The following CSNK1G1 variants were observed in gnomAD, a reference collection of about 807,000 sequenced individuals.
The protein encoded by CSNK1G1 is casein kinase I isoform gamma-1.
CSNK1G1 carries 22 observed loss-of-function variants against 59.6 expected under a neutral mutation model. That is an observed-to-expected ratio of 0.37 (90% CI 0.26 to 0.53). The LOEUF (loss-of-function observed/expected upper bound fraction) is 0.53. CSNK1G1 is among the 20% of genes least tolerant of loss of function. CSNK1G1 has a pLI of 0.89. For missense variants in CSNK1G1, 384 were observed against 519.5 expected, an observed-to-expected ratio of 0.74 and a Z score of 2.54; for synonymous variants, 179 against 177.1, an observed-to-expected ratio of 1.01 and a Z score of -0.08.
intron 1 of CSNK1G1, among the ~76,000 whole-genome samples, chr15:64,351,653 C>A (rs751436038): frequency 2.6e-5 from 4 of 152,126 alleles, no homozygotes; most frequent in African/African-American, 7.2e-5. Context: ...CTGAGGCGGG[C>A]CAATCACTTG....
chr15:64,171,834 C>A lies in CSNK1G1; in HGVS notation c.*97G>T. 1 of 1,077,212 alleles carries A rather than the reference C, an allele frequency of 9.3e-7. No homozygotes were observed. The highest frequency in any genetic ancestry group is 1.7e-5 in the Admixed American group (1 of 57,312). 66.7% of individuals were successfully genotyped at this position (1,077,212 alleles called of 1,614,324 possible). ...TCTTTTTGGTTTGGATATCCACCCT[C>A]CCCCAAAGAGGAGTCCCTTCCAATG... On this transcript the variant is annotated 3_prime_UTR_variant, in exon 12 of 12. Coordinates refer to ENST00000303052, the MANE Select transcript of CSNK1G1 (RefSeq NM_022048.5). This position sits in a 1 kb window ranked among gnomAD's most constrained non-coding sequence, Gnocchi z 4.8.
chr15:64,243,368 A>C (rs775495947), intron 4 of CSNK1G1, among the ~76,000 whole-genome samples: 2 of 151,934 alleles, frequency 1.3e-5, no homozygotes, highest in Non-Finnish European at 2.9e-5. Flanking sequence ...AACAAAAAAA[A>C]CCCTCAACAA....
At chr15:64,173,915 A>G (rs1195496614) in intron 11 of CSNK1G1, among the ~76,000 whole-genome samples, 1 of 152,050 alleles carries the variant, frequency 6.6e-6, no homozygotes, top group Non-Finnish European at 1.5e-5. Flanking sequence ...TGCCTGGCCC[A>G]AATAGTGTTT....
At chr15:64,230,559 A>G (rs1180430212) in intron 4 of CSNK1G1, among the ~76,000 whole-genome samples, 1 of 152,066 alleles carries the variant, frequency 6.6e-6, no homozygotes, top group Non-Finnish European at 1.5e-5. Flanking sequence ...CATCCTTCCC[A>G]AACTGCCAGA....
At chr15:64,279,197 T>C (rs1445275840) in intron 2 of CSNK1G1, among the ~76,000 whole-genome samples, 2 of 152,154 alleles carry the variant, frequency 1.3e-5, no homozygotes, top group African/African-American at 4.8e-5. Context: ...TTTTTATATA[T>C]CCATACATAC....
At chr15:64,327,802 G>A (rs1896930815) in intron 1 of CSNK1G1, among the ~76,000 whole-genome samples, 1 of 69,400 alleles carries the variant, frequency 1.4e-5, no homozygotes, top group Non-Finnish European at 2.6e-5. Context: ...TGTATAACTA[G>A]AATAACCAAT....
At chr15:64,299,722 C>A (rs1441805107) in intron 2 of CSNK1G1, among the ~76,000 whole-genome samples, 1 of 151,934 alleles carries the variant, frequency 6.6e-6, no homozygotes, top group Non-Finnish European at 1.5e-5. Context: ...AATAGAAAAT[C>A]CATTGCCTTA....
rs1894016980 is a variant in CSNK1G1, at chr15:64,279,767, T to C, written c.182-20526A>G. Among the ~76,000 whole-genome samples the C allele has an allele frequency of 2.0e-5, 3 of 148,752 alleles. No homozygotes were observed. In the South Asian group the frequency reaches 6.4e-4, roughly 32 times the overall value. On this transcript the variant is annotated intron_variant, in intron 2 of 11. Coordinates refer to ENST00000303052, the MANE Select transcript of CSNK1G1 (RefSeq NM_022048.5). ...GGTGGGCGGATCACAAGGTCAGGAGTTCAAGACAAGCCTGGCCAACATAGT... is the reference window on the plus strand; with the variant it reads ...GGTGGGCGGATCACAAGGTCAGGAGCTCAAGACAAGCCTGGCCAACATAGT...
chr15:64,304,929 C>T (rs1895583314), intron 1 of CSNK1G1, among the ~76,000 whole-genome samples: 1 of 152,174 alleles, frequency 6.6e-6, no homozygotes, highest in African/African-American at 2.4e-5. Context: ...TCTTCATCCA[C>T]CACACATTGC....
chr15:64,294,526 T>C (rs560984479), intron 2 of CSNK1G1, among the ~76,000 whole-genome samples: 1 of 152,300 alleles, frequency 6.6e-6, no homozygotes, highest in South Asian at 2.1e-4. Context: ...AATAAGTGTA[T>C]TTTCTTTTTA....
intron 10 of CSNK1G1, chr15:64,181,631 A>C (rs1295981851): frequency 2.0e-6 from 1 of 495,130 alleles, no homozygotes; most frequent in Non-Finnish European, 3.5e-6. Flanking sequence ...ATCAGCCCTA[A>C]GTTTGAACCC....
At chr15:64,318,536 A>ATTTC (rs556398050) in intron 1 of CSNK1G1, among the ~76,000 whole-genome samples, 137 of 148,938 alleles carry the variant, frequency 9.2e-4, no homozygotes, top group Non-Finnish European at 1.6e-3. Flanking sequence ...ATAAACTTGT[A>ATTTC]TTTCTTTCTT....
intron 1 of CSNK1G1, among the ~76,000 whole-genome samples, chr15:64,305,772 C>CAA (rs55865359): frequency 0.019 from 2,592 of 134,054 alleles, 68 homozygotes; most frequent in African/African-American, 0.052. Flanking sequence ...TGTGATATTG[C>CAA]AAAAAAAAAA....
At chr15:64,319,934 T>A (rs997097158) in intron 1 of CSNK1G1, among the ~76,000 whole-genome samples, 17 of 145,884 alleles carry the variant, frequency 1.2e-4, no homozygotes, top group African/African-American at 3.6e-4. Context: ...TTTTTTTTTT[T>A]TTTTTTTGAG....
chr15:64,345,788 GA>G (rs774866625), intron 1 of CSNK1G1, among the ~76,000 whole-genome samples: 1 of 150,876 alleles, frequency 6.6e-6, no homozygotes, highest in African/African-American at 2.4e-5. Context: ...TTGTAGAATA[GA>G]AAAAAAAACT....
Position 64,188,336 on chromosome 15 carries a change from C to G in CSNK1G1, c.1108-7882G>C, listed in dbSNP as rs780148196. 8 of 1,466,636 alleles carry G rather than the reference C, an allele frequency of 5.5e-6. No homozygotes were observed. The highest frequency in any genetic ancestry group is 2.5e-5 in the East Asian group (1 of 40,470). 90.9% of individuals were successfully genotyped at this position (1,466,636 alleles called of 1,614,324 possible). ...GCAAGCCAACATTCCACCAGCCAAG[C>G]TGGAAAGGCCAGGAAAAGGCAATAA... On this transcript the variant is annotated intron_variant, in intron 10 of 11. Coordinates refer to ENST00000303052, the MANE Select transcript of CSNK1G1 (RefSeq NM_022048.5). The surrounding 1 kb of genome is among the most constrained non-coding windows in gnomAD (Gnocchi z 4.2).
chr15:64,300,761 A>G (rs1054500955), intron 1 of CSNK1G1, 38 bp from the exon 2 acceptor site: 145 of 1,197,440 alleles, frequency 1.2e-4, no homozygotes, highest in Non-Finnish European at 1.4e-4. Context: ...TTAAAAATTA[A>G]ATTTTGAAAC....
chr15:64,182,060 T>G (rs867480938), intron 10 of CSNK1G1, among the ~76,000 whole-genome samples: 5 of 122,220 alleles, frequency 4.1e-5, no homozygotes, highest in South Asian at 3.0e-4. Flanking sequence ...CCCGTTTTTT[T>G]TTTTTTTTTT....
At chr15:64,238,518 A>AAAAAAATATATATAT (rs1555396879) in intron 4 of CSNK1G1, among the ~76,000 whole-genome samples, 1 of 49,246 alleles carries the variant, frequency 2.0e-5, no homozygotes, top group Admixed American at 3.1e-4. Context: ...AAAAAAAAAA[A>AAAAAAATATATATAT]ATATATATAT....
Sources: gnomAD v4.1 joint callset for allele counts (sites outside exome capture counted in the v4.1 genomes callset) on GRCh38, gnomAD v4.1.1 for gene constraint, Gnocchi (gnomAD v3.1) non-coding constraint, MANE v1.5 for transcripts, NCBI Gene and HGNC (gene_info 2026-07-23, HGNC 2026-07-21) for gene names.